Variants in DENND6A observed in about 807,000 individuals in gnomAD.
The protein encoded by DENND6A is DENN domain containing 6A.
A neutral mutation model predicts 95.5 loss-of-function variants in DENND6A; 43 were observed. That is an observed-to-expected ratio of 0.45 (90% confidence interval 0.35 to 0.58). The LOEUF is 0.58. Ranked by LOEUF, DENND6A falls within the 20% of genes least tolerant of loss-of-function variation. The probability of loss-of-function intolerance (pLI) is 0.00; values close to 1 mark genes in which losing one functional copy is unlikely to be tolerated. For missense variants in DENND6A, 574 were observed against 736.0 expected (o/e 0.78, Z 2.55); for synonymous variants, 257 against 260.4 (o/e 0.99, Z 0.13).
chr3:57,638,580 C>T (rs999000994), intron 12 of DENND6A, among the ~76,000 whole-genome samples: 5 of 152,086 alleles, frequency 3.3e-5, no homozygotes, highest in African/African-American at 1.2e-4. Context: ...ATTGCTTGAA[C>T]CCGGGAGGTG....
intron 1 of DENND6A, among the ~76,000 whole-genome samples, chr3:57,675,476 C>A (rs1309531075): frequency 6.6e-6 from 1 of 152,088 alleles, no homozygotes; most frequent in East Asian, 1.9e-4. Context: ...AAAAATGAAA[C>A]GGAAAAATAA....
At chr3:57,678,300 A>G (rs954018570) in intron 1 of DENND6A, among the ~76,000 whole-genome samples, 1 of 152,212 alleles carries the variant, frequency 6.6e-6, no homozygotes, top group Non-Finnish European at 1.5e-5. Flanking sequence ...TGCCTTGATA[A>G]ACAGCTACTA....
At chr3:57,679,904 G>T (rs150918518) in intron 1 of DENND6A, among the ~76,000 whole-genome samples, 1 of 152,112 alleles carries the variant, frequency 6.6e-6, no homozygotes, top group Non-Finnish European at 1.5e-5. Context: ...ACAGCAGCTC[G>T]GGAGGAAAAG....
At chr3:57,689,978 G>A (rs982030405) in intron 1 of DENND6A, among the ~76,000 whole-genome samples, 2 of 151,760 alleles carry the variant, frequency 1.3e-5, no homozygotes, top group Non-Finnish European at 2.9e-5. Context: ...TCGAGTTTAG[G>A]AGTTCGAGGT....
At chr3:57,641,514 A>C in intron 12 of DENND6A, 139 bp downstream of exon 12, 1 of 507,102 alleles carries the variant, frequency 2.0e-6, no homozygotes, top group Non-Finnish European at 3.2e-6. Context: ...TTTAGTGGGA[A>C]ATTAGCAGGA....
At chr3:57,654,513 G>T in intron 9 of DENND6A, 1 of 567,760 alleles carries the variant, frequency 1.8e-6, no homozygotes, top group Non-Finnish European at 2.2e-6. Flanking sequence ...GAAGCAGGTG[G>T]CAGGAGGTGA....
intron 11 of DENND6A, among the ~76,000 whole-genome samples, chr3:57,644,902 A>G (rs1307518795): frequency 6.6e-6 from 1 of 151,480 alleles, no homozygotes; most frequent in Non-Finnish European, 1.5e-5. Context: ...ATGATCTGGC[A>G]AGAACAAATT....
chr3:57,640,048 G>A (rs1319202981), intron 12 of DENND6A, among the ~76,000 whole-genome samples: 1 of 151,922 alleles, frequency 6.6e-6, no homozygotes, highest in Non-Finnish European at 1.5e-5. Context: ...GAGGTGGGCG[G>A]TCTGGAGGTC....
Position 57,665,986 on chromosome 3 carries a change from TCA to T in DENND6A, c.432+135_432+136del, listed in dbSNP as rs1409212595. The T allele has an allele frequency of 2.3e-5, 13 of 566,188 alleles. No individual in the cohort carries two copies. In the East Asian group the frequency reaches 3.9e-4, roughly 17 times the overall value. The allele number at this position is 566,188 out of a possible 1,614,324, so 35.1% of individuals were successfully genotyped here. On this transcript the variant is annotated intron_variant, in intron 4 of 19. Coordinates refer to ENST00000311128, the MANE Select transcript of DENND6A (RefSeq NM_152678.3). Reference sequence around the variant, plus strand: ...GATGCTGAATCCTTATGAATAAGACTCACTTTGGAAATTCAGCTATATAATAT... The same window carrying T: ...GATGCTGAATCCTTATGAATAAGACTCTTTGGAAATTCAGCTATATAATAT...
intron 17 of DENND6A, 38 bp from the exon 18 acceptor site, chr3:57,630,561 T>C (rs2070645995): frequency 6.4e-7 from 1 of 1,559,748 alleles, no homozygotes; most frequent in Non-Finnish European, 8.6e-7. Flanking sequence ...AGTTTGATTA[T>C]AACTTATTTC....
chr3:57,665,004 C>A (rs910294072), intron 4 of DENND6A, among the ~76,000 whole-genome samples: 1 of 152,008 alleles, frequency 6.6e-6, no homozygotes, highest in Non-Finnish European at 1.5e-5. Flanking sequence ...AAAGGCATTC[C>A]AAGTTGAAAG....
intron 10 of DENND6A, 96 bp downstream of exon 10, chr3:57,646,220 A>G (rs577606152): frequency 6.7e-7 from 1 of 1,490,694 alleles, no homozygotes; most frequent in African/African-American, 1.4e-5. Flanking sequence ...GGTGGGGAAA[A>G]ATACGACAGG....
At chr3:57,643,180 T>C (rs1025555682) in intron 11 of DENND6A, among the ~76,000 whole-genome samples, 5 of 151,958 alleles carry the variant, frequency 3.3e-5, no homozygotes, top group African/African-American at 1.2e-4. Context: ...TTTTAGGATA[T>C]CAAACTGACA....
intron 14 of DENND6A, among the ~76,000 whole-genome samples, chr3:57,634,082 T>G (rs1407945668): frequency 6.6e-6 from 1 of 152,092 alleles, no homozygotes; most frequent in Admixed American, 6.5e-5. Context: ...CAGCCCCAAA[T>G]TCATGCCCAT....
At chr3:57,632,471 C>T (rs1260088868) in intron 15 of DENND6A, among the ~76,000 whole-genome samples, 1 of 152,008 alleles carries the variant, frequency 6.6e-6, no homozygotes, top group Non-Finnish European at 1.5e-5. Context: ...GCCACTGTGC[C>T]CAGCCTAGTC....
In DENND6A at chr3:57,656,371, T is replaced by C. The variant is rs187255775; in HGVS notation, c.818+1309A>G. The stretch of plus-strand genomic sequence containing the variant: ...TCAACTGTTCCTTCTTTTTTTTAAC[T>C]GCTGAATAGTATTCCATGTGCATTC... On this transcript the variant is annotated intron_variant, in intron 9 of 19. Coordinates refer to ENST00000311128, the MANE Select transcript of DENND6A (RefSeq NM_152678.3). 3.9e-5 allele frequency among the ~76,000 whole-genome samples: 6 copies of C among 152,354 alleles called. No individual in the cohort carries two copies. In the East Asian group the frequency reaches 1.2e-3, roughly 29 times the overall value.
intron 10 of DENND6A, among the ~76,000 whole-genome samples, chr3:57,645,973 G>C (rs2071071533): frequency 6.6e-6 from 1 of 152,172 alleles, no homozygotes; most frequent in Non-Finnish European, 1.5e-5. Context: ...AAGATGCGGT[G>C]AAATTCTGGC....
intron 7 of DENND6A, among the ~76,000 whole-genome samples, 175 bp from the exon 8 acceptor site, chr3:57,659,355 A>C (rs2071383249): frequency 6.6e-6 from 1 of 152,234 alleles, no homozygotes; most frequent in Admixed American, 6.5e-5. Context: ...GCAGAAAGTA[A>C]GTAAATCAAG....
chr3:57,673,209 G>A (rs1483450584), intron 1 of DENND6A, among the ~76,000 whole-genome samples: 3 of 37,662 alleles, frequency 8.0e-5, no homozygotes, highest in Middle Eastern at 0.038. Context: ...ATGACATTTC[G>A]TATCAAAAAA....
Sources: gnomAD v4.1 joint callset for allele counts (sites outside exome capture counted in the v4.1 genomes callset) on GRCh38, gnomAD v4.1.1 for gene constraint, MANE v1.5 for transcripts, NCBI Gene and HGNC (gene_info 2026-07-23, HGNC 2026-07-21) for gene names.